The following LARGE1 variants were observed in gnomAD, a reference collection of about 807,000 sequenced individuals.
The protein encoded by LARGE1 is LARGE xylosyl- and glucuronyltransferase 1.
Under a neutral mutation model 87.6 loss-of-function variants are expected in LARGE1, and 43 were observed. The observed-to-expected ratio is 0.49, with a 90% confidence interval of 0.38 to 0.63. The LOEUF (loss-of-function observed/expected upper bound fraction) is 0.63, where lower values mean the gene tolerates loss of function less well. Among genes scored for constraint, LARGE1 ranks in the 30% least tolerant of loss-of-function variants. LARGE1 has a pLI of 0.00. For synonymous variants in LARGE1, 434 were observed against 394.6 expected (o/e 1.10, Z -1.18); for missense variants, 802 against 1,000.2 (o/e 0.80, Z 2.67).
chr22:33,404,089 T>C (rs1407622382), intron 7 of LARGE1, among the ~76,000 whole-genome samples: 1 of 152,174 alleles, frequency 6.6e-6, no homozygotes, highest in Non-Finnish European at 1.5e-5. Flanking sequence ...AGGTTAAACA[T>C]ATAGTCTATT....
At chr22:33,677,287 T>C (rs1411753589) in intron 2 of LARGE1, among the ~76,000 whole-genome samples, 1 of 121,390 alleles carries the variant, frequency 8.2e-6, no homozygotes, top group Non-Finnish European at 1.6e-5. Flanking sequence ...CTTTCAGGAG[T>C]TAAAAAAAAA....
Position 33,519,998 on chromosome 22 carries a change from CTTTTT to C in LARGE1, c.787+44845_787+44849del, listed in dbSNP as rs397868082. 3.0e-4 allele frequency among the ~76,000 whole-genome samples: 29 copies of C among 97,230 alleles called. 2 individuals carry two copies. The highest frequency in any genetic ancestry group is 7.4e-3 in the Middle Eastern group (1 of 136). The allele number at this position is 97,230 out of a possible 152,430, so 63.8% of individuals were successfully genotyped here. On this transcript the variant is annotated intron_variant, in intron 6 of 14. Transcript: ENST00000397394. ...GTCTATCTGTTTCAGTGGTTTTTCT[CTTTTT>C]TTTTTTTTTTTTTTTTTTGGAGTCA... is the stretch of plus-strand genomic sequence containing the variant.
chr22:33,690,028 G>A (rs1470672938), intron 2 of LARGE1, among the ~76,000 whole-genome samples: 1 of 152,174 alleles, frequency 6.6e-6, no homozygotes, highest in Non-Finnish European at 1.5e-5. Context: ...ACTCCCACAT[G>A]ATCACTAGAC....
intron 11 of LARGE1, among the ~76,000 whole-genome samples, chr22:33,262,884 C>T (rs1226307883): frequency 3.3e-5 from 5 of 149,494 alleles, no homozygotes; most frequent in Middle Eastern, 3.4e-3. Context: ...CCCCTCCGCT[C>T]GCCTCCCCTC....
intron 1 of LARGE1, among the ~76,000 whole-genome samples, chr22:33,791,202 T>G (rs531951131): frequency 6.6e-6 from 1 of 152,336 alleles, no homozygotes; most frequent in African/African-American, 2.4e-5. Context: ...CTGGAAAGGC[T>G]GTAGCCACCT....
intron 9 of LARGE1, among the ~76,000 whole-genome samples, chr22:33,371,006 T>C (rs2064789092): frequency 6.6e-6 from 1 of 150,494 alleles, no homozygotes; most frequent in Admixed American, 6.6e-5. Flanking sequence ...TAAAATAAAA[T>C]GTATAATGAA....
chr22:33,251,458 G>A (rs569738828), intron 11 of LARGE1, among the ~76,000 whole-genome samples: 1 of 152,040 alleles, frequency 6.6e-6, no homozygotes, highest in African/African-American at 2.4e-5. Context: ...ATGAAACAGG[G>A]TCTGTTGTCA....
intron 11 of LARGE1, among the ~76,000 whole-genome samples, chr22:33,206,323 C>T (rs763550809): frequency 6.6e-6 from 1 of 151,818 alleles, no homozygotes; most frequent in Non-Finnish European, 1.5e-5. Flanking sequence ...AACCCCTGAC[C>T]TCAAGTGGTC....
At chr22:33,496,691 G>C (rs1279870777) in intron 6 of LARGE1, among the ~76,000 whole-genome samples, 1 of 152,168 alleles carries the variant, frequency 6.6e-6, no homozygotes, top group Non-Finnish European at 1.5e-5. Context: ...CTACGCTATC[G>C]TTTTCAACAA....
At chr22:33,535,306 G>A (rs1490171852) in intron 6 of LARGE1, among the ~76,000 whole-genome samples, 1 of 152,206 alleles carries the variant, frequency 6.6e-6, no homozygotes, top group African/African-American at 2.4e-5. Flanking sequence ...CACTTTGGGA[G>A]GCCGAGGTGG....
chr22:33,830,858 G>T (rs569744040), intron 1 of LARGE1, among the ~76,000 whole-genome samples: 1 of 152,334 alleles, frequency 6.6e-6, no homozygotes, highest in East Asian at 1.9e-4. Context: ...GTGCCCTCAC[G>T]TAGAAGAAGA....
intron 6 of LARGE1, among the ~76,000 whole-genome samples, chr22:33,551,993 C>CAA (rs10674621): frequency 0.23 from 16,546 of 71,990 alleles, 2,712 homozygotes; most frequent in African/African-American, 0.43. Context: ...GGCTCCGTCT[C>CAA]AAAAAAAAAA....
intron 5 of LARGE1, among the ~76,000 whole-genome samples, chr22:33,571,194 T>C (rs1322679930): frequency 6.6e-6 from 1 of 152,186 alleles, no homozygotes; most frequent in Non-Finnish European, 1.5e-5. Context: ...TTCACTTATG[T>C]AAAGGGAGCA....
intron 2 of LARGE1, among the ~76,000 whole-genome samples, chr22:33,693,499 AAAAC>A (rs1433926613): frequency 6.6e-6 from 1 of 152,240 alleles, no homozygotes; most frequent in African/African-American, 2.4e-5. Flanking sequence ...TTACCAAATT[AAAAC>A]AAACAAACAA....
intron 2 of LARGE1, among the ~76,000 whole-genome samples, chr22:33,707,318 G>A (rs982236117): frequency 8.5e-5 from 13 of 152,236 alleles, no homozygotes; most frequent in African/African-American, 3.1e-4. Context: ...AATACAGGGA[G>A]TATCCAGGTG....
At chr22:33,902,931 A>G (rs752110881) in intron 1 of LARGE1, among the ~76,000 whole-genome samples, 1 of 152,208 alleles carries the variant, frequency 6.6e-6, no homozygotes, top group Non-Finnish European at 1.5e-5. Context: ...CAGGGGTTCA[A>G]GACCAGCCTG....
chr22:33,619,793 T>C (rs1020279556), intron 4 of LARGE1, among the ~76,000 whole-genome samples: 4 of 152,126 alleles, frequency 2.6e-5, no homozygotes, highest in Non-Finnish European at 5.9e-5. Flanking sequence ...ATCAATGCAT[T>C]ACCATCTGGA....
intron 7 of LARGE1, among the ~76,000 whole-genome samples, chr22:33,431,122 C>T (rs1252533933): frequency 6.6e-6 from 1 of 152,204 alleles, no homozygotes; most frequent in East Asian, 1.9e-4. Flanking sequence ...GATACCACAG[C>T]AGTGGCAATG....
At chr22:33,878,654 C>T (rs2064561625) in intron 1 of LARGE1, among the ~76,000 whole-genome samples, 1 of 152,160 alleles carries the variant, frequency 6.6e-6, no homozygotes, top group South Asian at 2.1e-4. Context: ...CAGAATCTGA[C>T]CCCAGATCTA....
Sources: allele counts gnomAD v4.1 joint callset (sites outside exome capture counted in the v4.1 genomes callset), GRCh38; gene constraint gnomAD v4.1.1; transcripts MANE v1.5; gene names NCBI Gene and HGNC (gene_info 2026-07-23, HGNC 2026-07-21).